Variants in CSMD1 observed in about 807,000 individuals in gnomAD.
CSMD1 encodes the protein CUB and Sushi multiple domains 1.
CSMD1 carries 213 observed loss-of-function variants against 417.5 expected under a neutral mutation model. The ratio of observed to expected loss-of-function variants is 0.51; its 90% confidence interval spans 0.46 to 0.57. The LOEUF (loss-of-function observed/expected upper bound fraction) is 0.57. Ranked by LOEUF, CSMD1 falls within the 20% of genes least tolerant of loss-of-function variation. The probability of loss-of-function intolerance (pLI) is 0.00; values close to 1 mark genes in which losing one functional copy is unlikely to be tolerated. For synonymous variants in CSMD1, 2,862 were observed against 1,736.8 expected (o/e 1.65, Z -16.11); for missense variants, 6,923 against 4,529.7 (o/e 1.53, Z -15.17).
At chr8:4,904,781 G>C (rs891209822) in intron 1 of CSMD1, among the ~76,000 whole-genome samples, 2 of 152,038 alleles carry the variant, frequency 1.3e-5, no homozygotes, top group Admixed American at 1.3e-4. Flanking sequence ...AACTTCAGCA[G>C]TTATTTTGGA....
At chr8:3,714,326 G>T (rs1040629997) in intron 6 of CSMD1, among the ~76,000 whole-genome samples, 1 of 150,610 alleles carries the variant, frequency 6.6e-6, no homozygotes, top group Non-Finnish European at 1.5e-5. Context: ...CATTCCATAA[G>T]CTACTAATCT....
chr8:4,737,540 T>A (rs1641148238), intron 1 of CSMD1, among the ~76,000 whole-genome samples: 1 of 152,192 alleles, frequency 6.6e-6, no homozygotes, highest in African/African-American at 2.4e-5. Context: ...ACATGATTGA[T>A]GATTTCCCTT....
At chr8:4,103,265 T>TTATATGTA (rs1554449719) in intron 3 of CSMD1, among the ~76,000 whole-genome samples, 1 of 150,026 alleles carries the variant, frequency 6.7e-6, no homozygotes, top group African/African-American at 2.4e-5. Flanking sequence ...TATACATACA[T>TTATATGTA]TATATATATC....
chr8:4,197,467 C>T (rs1253063113), intron 3 of CSMD1, among the ~76,000 whole-genome samples: 2 of 152,144 alleles, frequency 1.3e-5, no homozygotes, highest in African/African-American at 2.4e-5. Context: ...CGTTTCATCA[C>T]TTGAAGGCCT....
rs75720163 is a variant in CSMD1 at position 4,492,330 on chromosome 8, T to C, written c.303-72265A>G. 7.9e-4 allele frequency among the ~76,000 whole-genome samples: 120 copies of C among 152,234 alleles called. 1 individual carries two copies. The East Asian group carries it at 0.021, about 27-fold the overall frequency. The stretch of plus-strand genomic sequence containing the variant: ...GTCTCAAACTCCTCGCCTCAGGTGA[T>C]CCAAGGAGAAAATTTAAACACATAT... On this transcript the variant is annotated intron_variant, in intron 2 of 69. Transcript: ENST00000635120.
At chr8:3,920,359 T>G (rs2554629) in intron 5 of CSMD1, among the ~76,000 whole-genome samples, 120,477 of 150,318 alleles carry the variant, frequency 0.8, 49,214 homozygotes, top group East Asian at 0.94. Context: ...GCGTGTGTGT[T>G]TGTGTGTGTG....
At chr8:3,445,975 C>T (rs532605215) in intron 12 of CSMD1, among the ~76,000 whole-genome samples, 15 of 152,164 alleles carry the variant, frequency 9.9e-5, no homozygotes, top group African/African-American at 3.6e-4. Context: ...GTTCTGGGCA[C>T]AACAGAGGGA....
At chr8:4,532,838 C>A (rs991933037) in intron 2 of CSMD1, among the ~76,000 whole-genome samples, 1 of 143,796 alleles carries the variant, frequency 7.0e-6, no homozygotes, top group African/African-American at 2.6e-5. Flanking sequence ...TCAGTCACTC[C>A]GGAAAAGAAA....
At chr8:4,788,231 T>G (rs1337434783) in intron 1 of CSMD1, 1 of 1,589,812 alleles carries the variant, frequency 6.3e-7, no homozygotes, top group Non-Finnish European at 8.6e-7. Context: ...AAGGACCAGA[T>G]GAAACTCTGA....
rs564333171 is a variant in CSMD1, at chr8:3,915,573, TAGTC to T, written c.818+82326_818+82329del. On this transcript the variant is annotated intron_variant, in intron 5 of 69. Transcript: ENST00000635120. ...AACACAAGGATGAATAATTCTATAA[TAGTC>T]AGACATTTAATGGGATTATTACTGA... is the stretch of plus-strand genomic sequence containing the variant. 5.1e-3 allele frequency among the ~76,000 whole-genome samples: 781 copies of T among 151,824 alleles called. 3 individuals are homozygous for T. The highest frequency in any genetic ancestry group is 0.01 in the Middle Eastern group (3 of 294).
intron 10 of CSMD1, among the ~76,000 whole-genome samples, chr8:3,506,316 C>G (rs1346752752): frequency 6.6e-6 from 1 of 152,182 alleles, no homozygotes; most frequent in African/African-American, 2.4e-5. Context: ...CCCGCTATTT[C>G]TAGACATCCA....
chr8:4,431,465 G>A (rs1015026908), intron 2 of CSMD1, among the ~76,000 whole-genome samples: 2 of 152,042 alleles, frequency 1.3e-5, no homozygotes, highest in Non-Finnish European at 2.9e-5. Flanking sequence ...GGAGAGGAGG[G>A]CAGAGAGAGA....
intron 43 of CSMD1, among the ~76,000 whole-genome samples, chr8:3,109,506 C>G (rs1401688856): frequency 6.6e-6 from 1 of 152,124 alleles, no homozygotes; most frequent in Non-Finnish European, 1.5e-5. Flanking sequence ...AACCTCAAAG[C>G]CAGTCTCCTT....
At chr8:3,453,324 T>G (rs1815875472) in intron 12 of CSMD1, among the ~76,000 whole-genome samples, 2 of 152,232 alleles carry the variant, frequency 1.3e-5, no homozygotes, top group Admixed American at 1.3e-4. Flanking sequence ...ACTTCTGCTC[T>G]GATCTTAGTT....
intron 3 of CSMD1, among the ~76,000 whole-genome samples, chr8:4,324,199 G>C (rs1261962425): frequency 1.3e-5 from 2 of 152,196 alleles, no homozygotes; most frequent in Non-Finnish European, 2.9e-5. Flanking sequence ...AAAGTAAACT[G>C]TGTCATCGGA....
chr8:4,442,989 T>G (rs1367487618), intron 2 of CSMD1, among the ~76,000 whole-genome samples: 1 of 152,178 alleles, frequency 6.6e-6, no homozygotes, highest in Non-Finnish European at 1.5e-5. Context: ...GTCATTGCTT[T>G]AACTCTTCCA....
intron 3 of CSMD1, among the ~76,000 whole-genome samples, chr8:4,247,152 C>G (rs1440790830): frequency 2.6e-5 from 4 of 152,192 alleles, no homozygotes; most frequent in African/African-American, 7.2e-5. Flanking sequence ...ATATTGCTTT[C>G]TTTTCCGCAT....
chr8:3,732,438 G>A (rs1385558485), intron 6 of CSMD1, among the ~76,000 whole-genome samples: 1 of 152,084 alleles, frequency 6.6e-6, no homozygotes, highest in Non-Finnish European at 1.5e-5. Context: ...CATACTGGAA[G>A]GACTCATTCC....
chr8:3,389,191 G>C (rs1270061881), intron 17 of CSMD1, among the ~76,000 whole-genome samples: 2 of 152,106 alleles, frequency 1.3e-5, no homozygotes, highest in Non-Finnish European at 2.9e-5. Context: ...ATGGGAGTTT[G>C]TTGTACAGAT....
Sources: gnomAD v4.1 joint callset for allele counts (sites outside exome capture counted in the v4.1 genomes callset) on GRCh38, gnomAD v4.1.1 for gene constraint, MANE v1.5 for transcripts, NCBI Gene and HGNC (gene_info 2026-07-23, HGNC 2026-07-21) for gene names.